MEIG1: variants seen among roughly 807,000 people sequenced by gnomAD.
The protein encoded by MEIG1 is meiosis expressed gene 1 protein homolog.
Under a neutral mutation model 11.3 loss-of-function variants are expected in MEIG1, and 12 were observed. The ratio of observed to expected loss-of-function variants is 1.07; its 90% CI spans 0.68 to 1.73. The LOEUF is 1.73. Ranked by LOEUF, MEIG1 falls within the 40% of genes most tolerant of loss-of-function variation. The probability of loss-of-function intolerance (pLI) is 0.00; values close to 1 mark genes in which losing one functional copy is unlikely to be tolerated. For synonymous variants in MEIG1, 41 were observed against 33.2 expected, an observed-to-expected ratio of 1.24 and a Z score of -0.81; for missense variants, 119 against 104.9, an observed-to-expected ratio of 1.13 and a Z score of -0.59.
chr10:14,961,536 T>C (rs1249585616), intron 1 of MEIG1, among the ~76,000 whole-genome samples: 3 of 152,018 alleles, frequency 2.0e-5, no homozygotes. Flanking sequence ...AGTGGTGCGA[T>C]CTTGGCTCAC....
chr10:14,960,455 G>A (rs1455474915), intron 1 of MEIG1, among the ~76,000 whole-genome samples: 1 of 152,134 alleles, frequency 6.6e-6, no homozygotes, highest in Non-Finnish European at 1.5e-5. Flanking sequence ...GTCTCGCTCT[G>A]TAGCCCAGGC....
intron 1 of MEIG1, among the ~76,000 whole-genome samples, chr10:14,985,833 T>C (rs1311359579): frequency 1.3e-5 from 2 of 152,052 alleles, no homozygotes; most frequent in Non-Finnish European, 2.9e-5. Context: ...TGTACACACA[T>C]AGTGTATACC....
downstream of MEIG1, among the ~76,000 whole-genome samples, chr10:14,976,769 G>T (rs1327625992): frequency 6.6e-6 from 1 of 152,006 alleles, no homozygotes; most frequent in Non-Finnish European, 1.5e-5. Context: ...CACAGGTCCT[G>T]TACACCCTTT....
At chr10:14,964,608 TACAC>T (rs1220258184) in intron 1 of MEIG1, among the ~76,000 whole-genome samples, 1,281 of 90,662 alleles carry the variant, frequency 0.014, 26 homozygotes, top group East Asian at 0.05. Context: ...TATATATATA[TACAC>T]ACACACACAC....
At chr10:14,981,534 G>T (rs1024373394) in intron 1 of MEIG1, among the ~76,000 whole-genome samples, 4 of 152,080 alleles carry the variant, frequency 2.6e-5, no homozygotes, top group African/African-American at 9.7e-5. Context: ...ATAAGGGGGC[G>T]ACCGGGGCGG....
intron 1 of MEIG1, among the ~76,000 whole-genome samples, chr10:14,986,082 A>G (rs1843315456): frequency 6.6e-6 from 1 of 152,166 alleles, no homozygotes; most frequent in African/African-American, 2.4e-5. Flanking sequence ...TTTATATCCT[A>G]GGGAGGTATT....
chr10:14,973,026 C>G (rs1843170177), downstream of MEIG1, among the ~76,000 whole-genome samples: 1 of 152,030 alleles, frequency 6.6e-6, no homozygotes, highest in Admixed American at 6.6e-5. Context: ...CTACCATACC[C>G]ATCTAATTTT....
intron 1 of MEIG1, among the ~76,000 whole-genome samples, chr10:14,965,091 G>A (rs555278663): frequency 1.1e-5 from 1 of 87,482 alleles, no homozygotes; most frequent in South Asian, 4.0e-4. Flanking sequence ...GCCTTTCCCT[G>A]TTATACCTTT....
At chr10:14,985,032 T>A (rs1209181221) in intron 1 of MEIG1, among the ~76,000 whole-genome samples, 2 of 152,218 alleles carry the variant, frequency 1.3e-5, no homozygotes, top group East Asian at 1.9e-4. Context: ...ATTCGTATTG[T>A]CTTGAAGAGA....
At chr10:14,976,214 C>T (rs1372096411), downstream of MEIG1, among the ~76,000 whole-genome samples, 1 of 152,156 alleles carries the variant, frequency 6.6e-6, no homozygotes, top group Non-Finnish European at 1.5e-5. Context: ...CATTATTTTC[C>T]ATATTCTAGC....
chr10:14,968,532 A>G (rs1843113893), intron 2 of MEIG1, among the ~76,000 whole-genome samples: 1 of 152,114 alleles, frequency 6.6e-6, no homozygotes, highest in African/African-American at 2.4e-5. Flanking sequence ...AAAAGTACAT[A>G]GGAAAAATAA....
chr10:14,976,871 T>C (rs1261909573), downstream of MEIG1, among the ~76,000 whole-genome samples: 2 of 152,064 alleles, frequency 1.3e-5, no homozygotes, highest in Non-Finnish European at 2.9e-5. Flanking sequence ...CTAGCAGGAG[T>C]TCACTACTCA....
At chr10:14,981,910 G>A (rs1446654257) in intron 1 of MEIG1, among the ~76,000 whole-genome samples, 3 of 152,104 alleles carry the variant, frequency 2.0e-5, no homozygotes, top group Non-Finnish European at 4.4e-5. Context: ...CGTTTCCCCG[G>A]GCCTGACCTC....
At chr10:14,980,161 A>C (rs1008114312) in intron 1 of MEIG1, among the ~76,000 whole-genome samples, 1 of 151,954 alleles carries the variant, frequency 6.6e-6, no homozygotes, top group Non-Finnish European at 1.5e-5. Flanking sequence ...GCCTATTGTC[A>C]CAGGGGGTGT....
intron 2 of MEIG1, chr10:14,970,313 G>A (rs546047565): frequency 3.9e-5 from 6 of 152,332 alleles, no homozygotes; most frequent in African/African-American, 1.4e-4. Context: ...AGAAAGTTCA[G>A]AGATGCCAAG....
intron 1 of MEIG1, among the ~76,000 whole-genome samples, chr10:14,986,331 A>G (rs1326283565): frequency 6.6e-6 from 1 of 152,158 alleles, no homozygotes; most frequent in African/African-American, 2.4e-5. Context: ...ATCTCAAAAC[A>G]AAAAACAAAA....
At chr10:14,984,236 CG>C (rs1843295111) in intron 1 of MEIG1, among the ~76,000 whole-genome samples, 2 of 103,652 alleles carry the variant, frequency 1.9e-5, no homozygotes. Flanking sequence ...CGATGTGGAT[CG>C]TAATATCCAG....
upstream of MEIG1, among the ~76,000 whole-genome samples, chr10:14,959,047 A>C (rs1158370857): frequency 6.6e-6 from 1 of 152,240 alleles, no homozygotes; most frequent in Non-Finnish European, 1.5e-5. Context: ...ATTGTCAGGC[A>C]CTATGGCGAC....
At chr10:14,969,572 C>T (rs972980326) in intron 2 of MEIG1, among the ~76,000 whole-genome samples, 6 of 152,166 alleles carry the variant, frequency 3.9e-5, no homozygotes, top group East Asian at 1.9e-4. Flanking sequence ...CAGTGGCTCA[C>T]GCCTGTAATC....
Sources: allele counts gnomAD v4.1 joint callset (sites outside exome capture counted in the v4.1 genomes callset), GRCh38; gene constraint gnomAD v4.1.1; transcripts MANE v1.5; gene names NCBI Gene and HGNC (gene_info 2026-07-23, HGNC 2026-07-21).